SGMS1: variants seen among roughly 807,000 people sequenced by gnomAD.
SGMS1 encodes phosphatidylcholine:ceramide cholinephosphotransferase 1.
SGMS1 carries 13 observed loss-of-function variants against 46.2 expected under a neutral mutation model. That is an observed-to-expected ratio of 0.28 (90% CI 0.18 to 0.45). SGMS1 has a LOEUF of 0.45. Among genes scored for constraint, SGMS1 ranks in the 20% least tolerant of loss-of-function variants. SGMS1 has a pLI of 1.00. For synonymous variants in SGMS1, 203 were observed against 187.8 expected (o/e 1.08, Z -0.66); for missense variants, 324 against 519.9 (o/e 0.62, Z 3.66).
intron 1 of SGMS1, among the ~76,000 whole-genome samples, chr10:50,599,224 A>G (rs1422207834): frequency 2.6e-5 from 4 of 152,230 alleles, no homozygotes; most frequent in Non-Finnish European, 4.4e-5. Flanking sequence ...ACAGTAACAA[A>G]AAAACAGTAA....
At chr10:50,617,556 A>G (rs867849345) in intron 1 of SGMS1, among the ~76,000 whole-genome samples, 11 of 152,164 alleles carry the variant, frequency 7.2e-5, no homozygotes, top group Admixed American at 5.2e-4. Context: ...GTTTACCTAT[A>G]TAAGTTACAA....
chr10:50,535,460 G>C (rs1252159092), intron 2 of SGMS1, among the ~76,000 whole-genome samples: 1 of 151,804 alleles, frequency 6.6e-6, no homozygotes, highest in Non-Finnish European at 1.5e-5. Context: ...CCGCCTCCCG[G>C]GTTCAAGCGA....
chr10:50,319,890 T>G (rs1324228220), intron 8 of SGMS1, among the ~76,000 whole-genome samples: 1 of 152,242 alleles, frequency 6.6e-6, no homozygotes, highest in African/African-American at 2.4e-5. Context: ...GTAAATATTA[T>G]GATCGCCAAC....
At chr10:50,423,192 A>G (rs569496644) in intron 6 of SGMS1, among the ~76,000 whole-genome samples, 3 of 152,370 alleles carry the variant, frequency 2.0e-5, no homozygotes, top group African/African-American at 7.2e-5. Context: ...GCAGCTGGGC[A>G]CTAGGATCAG....
chr10:50,442,121 A>C (rs1564914795), intron 5 of SGMS1, among the ~76,000 whole-genome samples: 1 of 152,184 alleles, frequency 6.6e-6, no homozygotes, highest in Non-Finnish European at 1.5e-5. Flanking sequence ...GTTAAAGATA[A>C]AAAACAAAAC....
chr10:50,527,335 CAT>C (rs1438878164), intron 2 of SGMS1, among the ~76,000 whole-genome samples: 1 of 152,210 alleles, frequency 6.6e-6, no homozygotes, highest in Non-Finnish European at 1.5e-5. Flanking sequence ...CTGCAAGCAA[CAT>C]GTGTGTATGT....
chr10:50,623,574 G>T (rs974617950), intron 1 of SGMS1, 133 bp downstream of exon 1: 1 of 984,930 alleles, frequency 1.0e-6, no homozygotes, highest in African/African-American at 1.7e-5. Flanking sequence ...CACCGCGCGG[G>T]CTGCGCTCAC....
intron 7 of SGMS1, among the ~76,000 whole-genome samples, chr10:50,332,611 C>CTTTTTTTTTTTT (rs150975310): frequency 2.8e-5 from 2 of 72,710 alleles, no homozygotes; most frequent in Non-Finnish European, 5.0e-5. Flanking sequence ...TTTTTTAAGT[C>CTTTTTTTTTTTT]TTTTTTTTTT....
At chr10:50,507,192 A>T (rs1837714274) in intron 3 of SGMS1, among the ~76,000 whole-genome samples, 1 of 152,182 alleles carries the variant, frequency 6.6e-6, no homozygotes, top group Non-Finnish European at 1.5e-5. Context: ...GAGGGTCCCT[A>T]AAACCCTGAG....
chr10:50,343,302 G>T, intron 7 of SGMS1, 190 bp downstream of exon 7: 1 of 560,284 alleles, frequency 1.8e-6, no homozygotes, highest in South Asian at 3.1e-5. Flanking sequence ...CATAAAACAG[G>T]CAACAAACAA....
At chr10:50,326,664 G>A (rs1847536890) in intron 8 of SGMS1, among the ~76,000 whole-genome samples, 1 of 152,246 alleles carries the variant, frequency 6.6e-6, no homozygotes, top group East Asian at 1.9e-4. Flanking sequence ...CTGATGGAAA[G>A]GTAGAGACAA....
chr10:50,446,782 T>C (rs1166239647), intron 5 of SGMS1, among the ~76,000 whole-genome samples: 1 of 152,220 alleles, frequency 6.6e-6, no homozygotes, highest in South Asian at 2.1e-4. Flanking sequence ...GAGAACTTTT[T>C]GGGATGATAG....
At chr10:50,466,382 T>C (rs981549884) in intron 4 of SGMS1, among the ~76,000 whole-genome samples, 1 of 152,006 alleles carries the variant, frequency 6.6e-6, no homozygotes, top group African/African-American at 2.4e-5. Flanking sequence ...TTCTACAAAT[T>C]GTTACACAGT....
intron 2 of SGMS1, among the ~76,000 whole-genome samples, chr10:50,563,455 C>T (rs1343574362): frequency 6.6e-6 from 1 of 152,146 alleles, no homozygotes; most frequent in Admixed American, 6.5e-5. Context: ...ATAAGAAACT[C>T]TTTTGAGGCC....
intron 3 of SGMS1, among the ~76,000 whole-genome samples, chr10:50,474,717 G>A (rs1031277296): frequency 6.6e-6 from 1 of 151,834 alleles, no homozygotes; most frequent in Non-Finnish European, 1.5e-5. Flanking sequence ...TCAATGCCCT[G>A]CCTCTCCCTT....
chr10:50,365,981 G>A (rs1277435274), intron 6 of SGMS1, among the ~76,000 whole-genome samples: 4 of 151,952 alleles, frequency 2.6e-5, no homozygotes. Flanking sequence ...AATATGCTGG[G>A]TCAAATGGTG....
chr10:50,345,795 G>A (rs760403636), intron 6 of SGMS1, among the ~76,000 whole-genome samples: 3 of 152,244 alleles, frequency 2.0e-5, no homozygotes, highest in Non-Finnish European at 4.4e-5. Flanking sequence ...ATTGAAATCC[G>A]AAACGCTTCT....
chr10:50,617,561 T>C (rs905953985), intron 1 of SGMS1, among the ~76,000 whole-genome samples: 3 of 152,260 alleles, frequency 2.0e-5, no homozygotes, highest in African/African-American at 7.2e-5. Flanking sequence ...CCTATATAAG[T>C]TACAACTCTT....
intron 6 of SGMS1, among the ~76,000 whole-genome samples, chr10:50,426,715 A>G (rs1284176974): frequency 2.6e-5 from 4 of 152,238 alleles, no homozygotes; most frequent in Non-Finnish European, 5.9e-5. Context: ...AGAAAGGGGA[A>G]CAGCTAAGTC....
Sources: allele counts gnomAD v4.1 joint callset (sites outside exome capture counted in the v4.1 genomes callset), GRCh38; gene constraint gnomAD v4.1.1; transcripts MANE v1.5; gene names NCBI Gene and HGNC (gene_info 2026-07-23, HGNC 2026-07-21).